Variants in RELN observed in about 807,000 individuals in gnomAD.
RELN encodes the protein reelin.
A neutral mutation model predicts 427.6 loss-of-function variants in RELN; 108 were observed. The ratio of observed to expected loss-of-function variants is 0.25; its 90% CI spans 0.22 to 0.30. The LOEUF is 0.30. Ranked by LOEUF, RELN falls within the 10% of genes least tolerant of loss-of-function variation. The pLI, the probability that RELN is intolerant of heterozygous loss-of-function variation, is 1.00. For missense variants in RELN, 3,715 were observed against 4,302.8 expected (o/e 0.86, Z 3.82); for synonymous variants, 1,524 against 1,513.4 (o/e 1.01, Z -0.16).
At position 103,563,069 on chromosome 7, in the gene RELN, C is replaced by A. The variant is rs1480851590; in HGVS notation, c.5211-1116G>T. 6.6e-6 allele frequency among the ~76,000 whole-genome samples: 1 copy of A among 152,180 alleles called. No individual in the cohort carries two copies. Among genetic ancestry groups the A allele is most frequent in the Non-Finnish European group, 1.5e-5 (1 of 68,022 alleles). ...AAGCCCTACTCAGAGTCAGCTGAGA[C>A]ATCAACTCCTTCAGAAAGCTCCCTC... On this transcript the variant is annotated intron_variant, in intron 34 of 64. Transcript: ENST00000428762. This position sits in a 1 kb window ranked among gnomAD's most constrained non-coding sequence, Gnocchi z 4.1.
chr7:103,950,773 A>C (rs768562239), intron 1 of RELN, among the ~76,000 whole-genome samples: 4 of 152,214 alleles, frequency 2.6e-5, no homozygotes, highest in Non-Finnish European at 4.4e-5. Flanking sequence ...TTTCCTTTCC[A>C]ATGTTGGATA....
At chr7:103,951,324 T>C (rs1195630649) in intron 1 of RELN, among the ~76,000 whole-genome samples, 2 of 152,126 alleles carry the variant, frequency 1.3e-5, no homozygotes, top group African/African-American at 4.8e-5. Context: ...ACAAAATAGA[T>C]AGGAAGGAAC....
At position 103,514,891 on chromosome 7, in the gene RELN, C is replaced by T. The variant is rs535233891; in HGVS notation, c.8119+294G>A. 5.9e-5 allele frequency among the ~76,000 whole-genome samples: 9 copies of T among 152,070 alleles called. No individual in the cohort carries two copies. In the East Asian group the frequency reaches 7.8e-4, roughly 13 times the overall value. ...GATTTGGGTAGAAATCTTTGGCTTTCTACCCAAAATAGAAAACAGGAAACA... is the reference window on the plus strand; with the variant it reads ...GATTTGGGTAGAAATCTTTGGCTTTTTACCCAAAATAGAAAACAGGAAACA... On this transcript the variant is annotated intron_variant, in intron 50 of 64. Transcript: ENST00000428762.
intron 17 of RELN, among the ~76,000 whole-genome samples, chr7:103,639,806 T>C (rs1384524430): frequency 6.6e-6 from 1 of 151,948 alleles, no homozygotes; most frequent in Non-Finnish European, 1.5e-5. Flanking sequence ...CAAGAAAAAG[T>C]AGACTAGATG....
intron 20 of RELN, among the ~76,000 whole-genome samples, chr7:103,616,409 T>A (rs546278352): frequency 4.5e-4 from 68 of 152,136 alleles, no homozygotes; most frequent in Non-Finnish European, 8.1e-4. Flanking sequence ...GAAAAACTTG[T>A]TGATGTTGTG....
rs371011262 is a variant in RELN at position 103,675,809 on chromosome 7, C to T, written c.1289+6307G>A. Among the ~76,000 whole-genome samples the T allele has an allele frequency of 7.5e-3, 1,149 of 152,190 alleles. 9 individuals carry two copies. The highest frequency in any genetic ancestry group is 0.011 in the South Asian group (54 of 4,816). ...GGGAAAAGATTCCCTATTTAATAAA[C>T]GGTGCTGGGAAAACTGGCTAGCCAT... is the stretch of plus-strand genomic sequence containing the variant. On this transcript the variant is annotated intron_variant, in intron 11 of 64. Coordinates refer to ENST00000428762, the MANE Select transcript of RELN (RefSeq NM_005045.4).
At chr7:103,838,805 G>A (rs1246360988) in intron 2 of RELN, among the ~76,000 whole-genome samples, 1 of 152,194 alleles carries the variant, frequency 6.6e-6, no homozygotes, top group Non-Finnish European at 1.5e-5. Context: ...CTTCAAAAAT[G>A]AGTCAATGTC....
chr7:103,535,458 G>C lies in RELN; in HGVS notation c.7207C>G (p.Leu2403Val), dbSNP rs1320582507. 1 of 1,613,968 alleles carries C rather than the reference G, an allele frequency of 6.2e-7. No homozygotes were observed. The highest frequency in any genetic ancestry group is 2.2e-5 in the East Asian group (1 of 44,872). Reference sequence around the variant, plus strand: ...ACCAATGGGTGCCATGACAATCCAAGATCTACTGAGTATTCCAATTCAATC... The same window carrying C: ...ACCAATGGGTGCCATGACAATCCAACATCTACTGAGTATTCCAATTCAATC... Reference protein sequence around the residue: ...YAIELEYSVDLGLSWHPLVRD... With the variant: ...YAIELEYSVDVGLSWHPLVRD... Residue 2403 changes from leucine to valine, a missense_variant, in exon 46 of 65, where the codon CTT becomes GTT. Coordinates refer to ENST00000428762, the MANE Select transcript of RELN (RefSeq NM_005045.4).
intron 2 of RELN, among the ~76,000 whole-genome samples, chr7:103,882,458 A>T (rs1467578977): frequency 2.0e-5 from 3 of 151,688 alleles, no homozygotes; most frequent in East Asian, 1.9e-4. Context: ...GGGTCCGTAA[A>T]TTTTTTTTTA....
At chr7:103,914,815 G>A (rs987096726) in intron 2 of RELN, among the ~76,000 whole-genome samples, 1 of 151,974 alleles carries the variant, frequency 6.6e-6, no homozygotes, top group Non-Finnish European at 1.5e-5. Flanking sequence ...GCCGATGCCC[G>A]CCTGTACTTT....
chr7:103,872,574 T>C (rs566963817), intron 2 of RELN, among the ~76,000 whole-genome samples: 16,873 of 133,404 alleles, frequency 0.13, 2,661 homozygotes, highest in Non-Finnish European at 0.14. Flanking sequence ...TTTGGGTATA[T>C]ACCCAGTAAT....
intron 28 of RELN, 80 bp downstream of exon 28, chr7:103,589,516 G>C (rs1831359865): frequency 2.1e-6 from 2 of 939,612 alleles, no homozygotes; most frequent in Non-Finnish European, 3.5e-6. Flanking sequence ...TGATCTTTCA[G>C]GATTACAACA....
intron 1 of RELN, among the ~76,000 whole-genome samples, chr7:103,929,619 T>G (rs1452719382): frequency 2.0e-5 from 3 of 152,168 alleles, no homozygotes; most frequent in African/African-American, 7.2e-5. Flanking sequence ...CCAACAGCAA[T>G]ATAACTAGTG....
At chr7:103,739,797 G>A (rs1386909357) in intron 6 of RELN, among the ~76,000 whole-genome samples, 1 of 152,204 alleles carries the variant, frequency 6.6e-6, no homozygotes, top group Non-Finnish European at 1.5e-5. Context: ...AAGAGTAGAA[G>A]GAATCTATGC....
Position 103,802,500 on chromosome 7 carries a change from C to T in RELN, c.474-25873G>A, listed in dbSNP as rs142915026. Among the ~76,000 whole-genome samples the T allele has an allele frequency of 4.7e-3, 708 of 152,148 alleles. 2 individuals carry two copies. Among genetic ancestry groups the T allele is most frequent in the African/African-American group, 0.016 (658 of 41,524 alleles). The stretch of plus-strand genomic sequence containing the variant: ...TGGGTTTTTATATATTAGATTTACT[C>T]GTAGACCAAGATTCACCAGAATTTA... On this transcript the variant is annotated intron_variant, in intron 3 of 64. Transcript: ENST00000428762.
Position 103,620,482 on chromosome 7 carries a change from T to C in RELN, c.2703-8679A>G, listed in dbSNP as rs1430145240. On this transcript the variant is annotated intron_variant, in intron 20 of 64. Transcript: ENST00000428762. This position sits in a 1 kb window ranked among gnomAD's most constrained non-coding sequence, Gnocchi z 4.1. ...ATAACTCACCCGATCCACATTTTTT[T>C]TTTTTTTTTGAGATAGAGTCTCGTC... 2.0e-5 allele frequency among the ~76,000 whole-genome samples: 3 copies of C among 151,878 alleles called. No homozygotes were observed. The highest frequency in any genetic ancestry group is 6.6e-5 in the Admixed American group (1 of 15,246).
chr7:103,674,519 C>T (rs1833468980), intron 11 of RELN, among the ~76,000 whole-genome samples: 1 of 152,098 alleles, frequency 6.6e-6, no homozygotes, highest in African/African-American at 2.4e-5. Context: ...TGACTGGGAG[C>T]AGATGTGCCC....
chr7:103,899,374 C>G (rs1413038630), intron 2 of RELN, among the ~76,000 whole-genome samples: 2 of 152,154 alleles, frequency 1.3e-5, no homozygotes, highest in Non-Finnish European at 2.9e-5. Context: ...CAACGAGGAA[C>G]TGGTACCATT....
chr7:103,681,968 A>T, intron 11 of RELN, 148 bp downstream of exon 11: 3 of 774,742 alleles, frequency 3.9e-6, no homozygotes, highest in South Asian at 1.5e-5. Flanking sequence ...TCTTTAGGGT[A>T]AGTGCACCCC....
Sources: gnomAD v4.1 joint callset for allele counts (sites outside exome capture counted in the v4.1 genomes callset) on GRCh38, gnomAD v4.1.1 for gene constraint, Gnocchi (gnomAD v3.1) non-coding constraint, MANE v1.5 for transcripts, NCBI Gene and HGNC (gene_info 2026-07-23, HGNC 2026-07-21) for gene names.